The following RPL30 variants were observed in gnomAD, a reference collection of about 807,000 sequenced individuals.
RPL30 encodes large ribosomal subunit protein eL30.
For missense variants in RPL30, 60 were observed against 138.0 expected (o/e 0.43, Z 2.83); for synonymous variants, 40 against 50.4 (o/e 0.79, Z 0.87).
intron 4 of RPL30, chr8:98,042,272 GCACTTTTTTTTTTCT>G (rs534352583): frequency 8.0e-5 from 40 of 498,062 alleles, no homozygotes; most frequent in African/African-American, 6.8e-4. Flanking sequence ...AGATTTTTTG[GCACTTTTTTTTTTCT>G]CAAGCTAATT....
chr8:98,045,056 G>T lies in RPL30; in HGVS notation c.54C>A (p.Leu18=), dbSNP rs1218162793. 1.2e-6 allele frequency: 2 copies of T among 1,614,010 alleles called. No homozygotes were observed. The highest frequency in any genetic ancestry group is 3.3e-5 in the Admixed American group (2 of 59,996). Residue 18 remains leucine (L), a synonymous_variant, in exon 3 of 5, where the codon CTC becomes CTA. Coordinates refer to ENST00000287038, the MANE Select transcript of RPL30 (RefSeq NM_000989.4). Reference sequence around the variant, plus strand: ...ACTTCCCACTTTTCATAACGAGTTGGAGCCTAGAGTTGATCGACTCCAGCG... The same window carrying T: ...ACTTCCCACTTTTCATAACGAGTTGTAGCCTAGAGTTGATCGACTCCAGCG... ...KKSLESINSR[L]QLVMKSGKYV...
intron 4 of RPL30, chr8:98,042,245 GGAAA>G: frequency 1.9e-6 from 1 of 523,556 alleles, no homozygotes; most frequent in Non-Finnish European, 3.7e-6. Context: ...ATTCACAATT[GGAAA>G]ACAGAATGAT....
rs370679966 is a variant in RPL30 at position 98,044,924 on chromosome 8, G to A, written c.167+19C>T. 2.5e-6 allele frequency: 4 copies of A among 1,610,398 alleles called. No individual in the cohort carries two copies. The South Asian group carries it at 3.3e-5, about 13-fold the overall frequency. On this transcript the variant is annotated intron_variant, in intron 3 of 4. Transcript: ENST00000287038. ...GATGAATTCGCGGTAGGCGAAGCCC[G>A]TTCAGTCTCTTCGATTACCTCAAAG...
chr8:98,044,737 C>T, intron 3 of RPL30: 1 of 554,350 alleles, frequency 1.8e-6, no homozygotes, highest in Middle Eastern at 4.7e-4. Flanking sequence ...ACACATTTCT[C>T]CTCCAAAAAT....
At chr8:98,044,870 C>G (rs1158161465) in intron 3 of RPL30, 73 bp downstream of exon 3, 3 of 1,486,760 alleles carry the variant, frequency 2.0e-6, no homozygotes, top group Non-Finnish European at 2.8e-6. Flanking sequence ...ACTCAGATTA[C>G]AAGTTTACAC....
chr8:98,044,811 A>C (rs988772110), intron 3 of RPL30, 132 bp downstream of exon 3: 2 of 1,057,042 alleles, frequency 1.9e-6, no homozygotes, highest in African/African-American at 1.6e-5. Context: ...GAAGGGCCAA[A>C]CACCACAATC....
In RPL30 at chr8:98,041,790, G is replaced by T; in HGVS notation, c.*11C>A. On this transcript the variant is annotated 3_prime_UTR_variant, in exon 5 of 5. Transcript: ENST00000287038. ...TAAGGTTTGCAGGTGAAATTTTGTA[G>T]GTGAAAAGGTTTACTTTTCACCAGT... 1 of 1,583,518 alleles carries T rather than the reference G, an allele frequency of 6.3e-7. No individual in the cohort carries two copies.
chr8:98,044,900 A>G (rs1465078513), intron 3 of RPL30, 43 bp downstream of exon 3: 1 of 1,599,654 alleles, frequency 6.3e-7, no homozygotes, highest in Non-Finnish European at 8.5e-7. Flanking sequence ...TTCGTTCACG[A>G]TGAATTCGCG....
intron 4 of RPL30, 32 bp from the exon 5 acceptor site, chr8:98,041,882 T>C (rs780519383): frequency 1.8e-5 from 26 of 1,465,050 alleles, no homozygotes; most frequent in Non-Finnish European, 2.4e-5. Flanking sequence ...ACAGTAATTT[T>C]ACAATTCATT....
chr8:98,045,333 C>G lies in RPL30; in HGVS notation c.21+14G>C. On this transcript the variant is annotated intron_variant, in intron 2 of 4. Transcript: ENST00000287038. ...CACGTGAATCGTCTTCCGGGCCTGG[C>G]CCGCCTCACTCACCGTCTTCTTTGC... 2 of 1,614,126 alleles carry G rather than the reference C, an allele frequency of 1.2e-6. No individual in the cohort carries two copies. Among genetic ancestry groups the G allele is most frequent in the Non-Finnish European group, 1.7e-6 (2 of 1,180,012 alleles).
intron 4 of RPL30, 94 bp downstream of exon 4, chr8:98,042,551 G>T: frequency 8.1e-7 from 1 of 1,231,506 alleles, no homozygotes. Context: ...TCTGAATTTA[G>T]GAACCAAAGA....
intron 3 of RPL30, chr8:98,043,479 T>G (rs2130481704): frequency 6.7e-6 from 1 of 149,586 alleles, no homozygotes; most frequent in East Asian, 2.0e-4. Flanking sequence ...GAATAGTAAG[T>G]GGAGGATCCA....
intron 2 of RPL30, 113 bp downstream of exon 2, chr8:98,045,234 G>T: frequency 6.4e-7 from 1 of 1,557,426 alleles, no homozygotes; most frequent in Non-Finnish European, 8.8e-7. Context: ...TCCTTCTGGG[G>T]CCCTCCAAAT....
chr8:98,044,806 G>T, intron 3 of RPL30, 137 bp downstream of exon 3: 1 of 998,980 alleles, frequency 1.0e-6, no homozygotes. Context: ...GGAATGAAGG[G>T]CCAAACACCA....
chr8:98,044,882 C>A, intron 3 of RPL30, 61 bp downstream of exon 3: 1 of 1,545,954 alleles, frequency 6.5e-7, no homozygotes, highest in Non-Finnish European at 8.9e-7. Flanking sequence ...AGTTTACACT[C>A]CTGTATATTC....
In RPL30 at chr8:98,041,853, A is replaced by T. The variant is rs878968544; in HGVS notation, c.299-3T>A. On this transcript the variant is annotated splice_polypyrimidine_tract_variant and splice_region_variant and intron_variant, in intron 4 of 4. Coordinates refer to ENST00000287038, the MANE Select transcript of RPL30 (RefSeq NM_000989.4). ...GCTTCTAATGATGTCAGAGTCACCT[A>T]AAAAATAAAAATAAAAAAACAGTAA... The T allele has an allele frequency of 1.3e-6, 2 of 1,581,814 alleles. No homozygotes were observed. The highest frequency in any genetic ancestry group is 1.7e-6 in the Non-Finnish European group (2 of 1,160,198).
intron 3 of RPL30, 182 bp downstream of exon 3, chr8:98,044,761 G>C (rs1814445218): frequency 3.3e-6 from 2 of 613,434 alleles, no homozygotes; most frequent in Admixed American, 6.4e-5. Context: ...CTCACAGAAG[G>C]GGAGCACACG....
rs778313557 is a variant in RPL30 at position 98,042,795 on chromosome 8, CAAAT to C, written c.168-24_168-21del. 6 of 1,547,444 alleles carry C rather than the reference CAAAT, an allele frequency of 3.9e-6. No individual in the cohort carries two copies. Among genetic ancestry groups the C allele is most frequent in the African/African-American group, 2.8e-5 (2 of 71,316 alleles). ...GATTTCCTTTGGGAACCAAAATGGG[CAAAT>C]AAATAAATGCGATACCAAGTGACTG... On this transcript the variant is annotated intron_variant, in intron 3 of 4. Transcript: ENST00000287038.
chr8:98,044,704 C>G, intron 3 of RPL30: 1 of 479,600 alleles, frequency 2.1e-6, no homozygotes, highest in Non-Finnish European at 3.7e-6. Context: ...CCTCGATGTT[C>G]TGTTTTCACT....
Sources: gnomAD v4.1 joint callset for allele counts on GRCh38, gnomAD v4.1.1 for gene constraint, MANE v1.5 for transcripts, NCBI Gene and HGNC (gene_info 2026-07-23, HGNC 2026-07-21) for gene names.